FHL5: variants seen among roughly 807,000 people sequenced by gnomAD.
FHL5 encodes the protein four and a half LIM domains 5.
In FHL5, 33 loss-of-function variants were observed where a neutral mutation model predicts 32.0. The ratio of observed to expected loss-of-function variants is 1.03; its 90% CI spans 0.78 to 1.38. The LOEUF (loss-of-function observed/expected upper bound fraction) is 1.38, where lower values mean the gene tolerates loss of function less well. Ranked by LOEUF, FHL5 falls within the 40% of genes most tolerant of loss-of-function variation. FHL5 has a pLI of 0.00. For synonymous variants in FHL5, 114 were observed against 113.6 expected, an observed-to-expected ratio of 1.00 and a Z score of -0.02; for missense variants, 336 against 343.9, an observed-to-expected ratio of 0.98 and a Z score of 0.18.
chr6:96,574,173 T>G lies in FHL5; in HGVS notation c.-13+10818T>G, dbSNP rs1472244807. Among the ~76,000 whole-genome samples, 4 of 152,224 alleles carry G rather than the reference T, an allele frequency of 2.6e-5. No homozygotes were observed. In the East Asian group the frequency reaches 7.7e-4, roughly 29 times the overall value. On this transcript the variant is annotated intron_variant, in intron 1 of 5. Coordinates refer to ENST00000450218, the MANE Select transcript of FHL5 (RefSeq NM_001322466.2). The stretch of plus-strand genomic sequence containing the variant: ...ATGTTAATGACTTCTAGTATTATTT[T>G]TAAAACCATTTAGTAAATATATATT...
At chr6:96,584,965 C>T (rs903072694) in intron 1 of FHL5, among the ~76,000 whole-genome samples, 73 of 152,058 alleles carry the variant, frequency 4.8e-4, no homozygotes, top group Admixed American at 2.3e-3. Context: ...TAACTATGCA[C>T]TGCAGATGTT....
At chr6:96,589,801 C>G (rs117483526) in intron 1 of FHL5, among the ~76,000 whole-genome samples, 6,071 of 152,024 alleles carry the variant, frequency 0.04, 196 homozygotes, top group Non-Finnish European at 0.063. Context: ...ATTGCTTTGT[C>G]CTAACACTGA....
intron 1 of FHL5, among the ~76,000 whole-genome samples, chr6:96,576,014 G>A (rs1770576929): frequency 6.6e-6 from 1 of 152,164 alleles, no homozygotes; most frequent in Non-Finnish European, 1.5e-5. Flanking sequence ...AGTGGTGCTT[G>A]TGAGCTTGCA....
At chr6:96,604,628 T>C in intron 2 of FHL5, 122 bp from the exon 3 acceptor site, 1 of 614,168 alleles carries the variant, frequency 1.6e-6, no homozygotes, top group Non-Finnish European at 2.6e-6. Flanking sequence ...AGTAACAACT[T>C]TCCCTCACGC....
intron 1 of FHL5, 44 bp from the exon 2 acceptor site, chr6:96,603,558 C>T: frequency 1.4e-6 from 2 of 1,421,618 alleles, no homozygotes. Flanking sequence ...ATCCTATAAA[C>T]AAAATTCTGC....
intron 1 of FHL5, among the ~76,000 whole-genome samples, chr6:96,570,175 A>G (rs569203987): frequency 6.6e-6 from 1 of 152,110 alleles, no homozygotes; most frequent in Non-Finnish European, 1.5e-5. Flanking sequence ...GTGGTGACAA[A>G]TTCCTTCAGT....
chr6:96,578,575 C>T (rs1582461080), intron 1 of FHL5, among the ~76,000 whole-genome samples: 1 of 152,152 alleles, frequency 6.6e-6, no homozygotes, highest in African/African-American at 2.4e-5. Flanking sequence ...CGCACAGTGG[C>T]TCACGCCTGT....
At chr6:96,572,738 G>T (rs1245549677) in intron 1 of FHL5, among the ~76,000 whole-genome samples, 5 of 152,184 alleles carry the variant, frequency 3.3e-5, no homozygotes, top group African/African-American at 7.2e-5. Context: ...AAGGTCTGTT[G>T]GTGTCCAGGG....
At chr6:96,606,215 C>T (rs1582478831) in intron 4 of FHL5, 144 bp downstream of exon 4, 1 of 580,016 alleles carries the variant, frequency 1.7e-6, no homozygotes, top group East Asian at 3.0e-5. Context: ...CATGTCCAAA[C>T]CACTAGTTGT....
chr6:96,605,816 C>A, intron 3 of FHL5, 86 bp from the exon 4 acceptor site: 1 of 1,066,074 alleles, frequency 9.4e-7, no homozygotes, highest in Non-Finnish European at 1.3e-6. Context: ...TAACTTAAAA[C>A]GTTTTTAAGT....
chr6:96,596,745 A>G (rs888886003), intron 1 of FHL5, among the ~76,000 whole-genome samples: 2 of 152,140 alleles, frequency 1.3e-5, no homozygotes, highest in Non-Finnish European at 2.9e-5. Flanking sequence ...TTAATCTAAC[A>G]TGACATTTTG....
At chr6:96,583,881 T>C (rs895310351) in intron 1 of FHL5, among the ~76,000 whole-genome samples, 15 of 152,170 alleles carry the variant, frequency 9.9e-5, no homozygotes, top group African/African-American at 3.6e-4. Flanking sequence ...TTCAAGTAAA[T>C]ACATAACATG....
At chr6:96,580,623 A>C (rs1014497791) in intron 1 of FHL5, among the ~76,000 whole-genome samples, 13 of 152,172 alleles carry the variant, frequency 8.5e-5, no homozygotes, top group Non-Finnish European at 1.3e-4. Flanking sequence ...TATGCATTTT[A>C]AGGAGGTCAT....
chr6:96,575,283 ACTTAATC>A (rs1346147063), intron 1 of FHL5, among the ~76,000 whole-genome samples: 38 of 152,246 alleles, frequency 2.5e-4, no homozygotes, highest in Non-Finnish European at 2.9e-5. Context: ...GGAAAGTTCC[ACTTAATC>A]ATGTATATCT....
At chr6:96,566,659 AT>A (rs569064620) in intron 1 of FHL5, among the ~76,000 whole-genome samples, 33 of 147,686 alleles carry the variant, frequency 2.2e-4, no homozygotes, top group African/African-American at 3.0e-4. Flanking sequence ...CCTTGTCAGC[AT>A]TTTTTTTTTG....
At chr6:96,589,158 A>G (rs1770864309) in intron 1 of FHL5, among the ~76,000 whole-genome samples, 1 of 152,012 alleles carries the variant, frequency 6.6e-6, no homozygotes, top group Non-Finnish European at 1.5e-5. Flanking sequence ...TCATATATGC[A>G]TAGATCTGAT....
At chr6:96,577,934 C>T (rs1375875517) in intron 1 of FHL5, among the ~76,000 whole-genome samples, 2 of 145,028 alleles carry the variant, frequency 1.4e-5, no homozygotes, top group Non-Finnish European at 3.0e-5. Context: ...TTGTCAGCTT[C>T]TTCTTTCAAA....
At chr6:96,573,609 C>T (rs1770526457) in intron 1 of FHL5, among the ~76,000 whole-genome samples, 1 of 149,508 alleles carries the variant, frequency 6.7e-6, no homozygotes, top group South Asian at 2.1e-4. Context: ...GCAAGCTCCA[C>T]CTCCCGGGTT....
chr6:96,588,663 C>A (rs3849198), intron 1 of FHL5, among the ~76,000 whole-genome samples: 23,774 of 151,982 alleles, frequency 0.16, 2,030 homozygotes, highest in Middle Eastern at 0.26. Context: ...TTTCCAGTTA[C>A]AAAAGAAAAT....
Sources: gnomAD v4.1 joint callset for allele counts (sites outside exome capture counted in the v4.1 genomes callset) on GRCh38, gnomAD v4.1.1 for gene constraint, MANE v1.5 for transcripts, NCBI Gene and HGNC (gene_info 2026-07-23, HGNC 2026-07-21) for gene names.